The following CCDC18 variants were observed in gnomAD, a reference collection of about 807,000 sequenced individuals.
CCDC18 encodes coiled-coil domain containing 18, also known as coiled-coil domain-containing protein 18.
In CCDC18, 157 loss-of-function variants were observed where a neutral mutation model predicts 196.0. The observed-to-expected ratio is 0.80, with a 90% CI of 0.70 to 0.91. The LOEUF is 0.91. Among genes scored for constraint, CCDC18 ranks in the 40% least tolerant of loss-of-function variants. The pLI is 0.00. For missense variants in CCDC18, 1,465 were observed against 1,611.6 expected, an observed-to-expected ratio of 0.91 and a Z score of 1.56; for synonymous variants, 482 against 529.2, an observed-to-expected ratio of 0.91 and a Z score of 1.22.
At chr1:93,213,490 CTAAGTATT>C (rs1656015219) in intron 11 of CCDC18, among the ~76,000 whole-genome samples, 1 of 151,214 alleles carries the variant, frequency 6.6e-6, no homozygotes, top group Non-Finnish European at 1.5e-5. Context: ...CTTTTCTCAT[CTAAGTATT>C]TAAGGATAGA....
intron 19 of CCDC18, among the ~76,000 whole-genome samples, chr1:93,239,089 A>G (rs1240560013): frequency 2.6e-5 from 4 of 152,226 alleles, no homozygotes; most frequent in Non-Finnish European, 5.9e-5. Context: ...AGGCTTGTTA[A>G]ATATTACCAG....
Position 93,251,999 on chromosome 1 carries a change from A to G in CCDC18, c.3199-2472A>G, listed in dbSNP as rs558571781. 4.8e-3 allele frequency among the ~76,000 whole-genome samples: 622 copies of G among 130,232 alleles called. 6 individuals are homozygous for G. Among genetic ancestry groups the G allele is most frequent in the South Asian group, 0.029 (120 of 4,184 alleles). 85.4% of individuals were successfully genotyped at this position (130,232 alleles called of 152,430 possible). On this transcript the variant is annotated intron_variant, in intron 23 of 28. Coordinates refer to ENST00000690025, the MANE Select transcript of CCDC18 (RefSeq NM_001378204.1). Reference sequence around the variant, plus strand: ...TTTTCCTCCTCTCACTGTGTAGTCTATTTATCTATCTATCTGTCTGTCTAT... The same window carrying G: ...TTTTCCTCCTCTCACTGTGTAGTCTGTTTATCTATCTATCTGTCTGTCTAT...
chr1:93,251,511 T>C (rs1386429547), intron 23 of CCDC18, among the ~76,000 whole-genome samples: 1 of 152,154 alleles, frequency 6.6e-6, no homozygotes, highest in Non-Finnish European at 1.5e-5. Flanking sequence ...TGGGAAAGTG[T>C]CTCTTCTTCA....
chr1:93,232,666 G>T, intron 18 of CCDC18, 73 bp downstream of exon 18: 1 of 1,210,752 alleles, frequency 8.3e-7, no homozygotes, highest in Non-Finnish European at 1.2e-6. Context: ...TAGATTTTTC[G>T]TTAGTTTTTT....
intron 6 of CCDC18, among the ~76,000 whole-genome samples, chr1:93,201,112 A>T (rs1039933089): frequency 3.9e-5 from 6 of 152,198 alleles, no homozygotes; most frequent in Non-Finnish European, 5.9e-5. Flanking sequence ...ACCAACAGAG[A>T]GAATGAAAAT....
intron 23 of CCDC18, among the ~76,000 whole-genome samples, chr1:93,248,788 C>T (rs1661836107): frequency 6.6e-6 from 1 of 151,968 alleles, no homozygotes; most frequent in South Asian, 2.1e-4. Context: ...GCCTAGACAA[C>T]CTGGAGAAAC....
chr1:93,271,238 A>G (rs1570664655), intron 28 of CCDC18: 1 of 985,380 alleles, frequency 1.0e-6, no homozygotes, highest in South Asian at 4.7e-5. Flanking sequence ...ATTGCTGGCT[A>G]TCACTGATCC....
chr1:93,187,377 G>C (rs1323661711), intron 4 of CCDC18, among the ~76,000 whole-genome samples: 1 of 151,940 alleles, frequency 6.6e-6, no homozygotes, highest in African/African-American at 2.4e-5. Context: ...AAACATTACA[G>C]AGCAGTACAC....
chr1:93,199,059 A>G (rs1653315969), intron 6 of CCDC18, among the ~76,000 whole-genome samples: 1 of 152,250 alleles, frequency 6.6e-6, no homozygotes, highest in African/African-American at 2.4e-5. Context: ...TTCTAGAAGT[A>G]GGAGGGGCAC....
chr1:93,241,724 A>C (rs1172648215), intron 21 of CCDC18, among the ~76,000 whole-genome samples: 1 of 49,076 alleles, frequency 2.0e-5, no homozygotes. Flanking sequence ...ACTCCATCTC[A>C]AAAAAAAAAA....
chr1:93,197,745 C>CTTTTT (rs71094240), intron 6 of CCDC18, among the ~76,000 whole-genome samples: 1,364 of 75,976 alleles, frequency 0.018, no homozygotes, highest in African/African-American at 0.026. Flanking sequence ...CTTTTCTTTT[C>CTTTTT]TTTTTTTTTT....
In CCDC18 at chr1:93,270,778, A is replaced by C. The variant is rs1557720207; in HGVS notation, c.4317A>C (p.Lys1439Asn). The C allele has an allele frequency of 6.5e-7, 1 of 1,545,194 alleles. No homozygotes were observed. The highest frequency in any genetic ancestry group is 8.7e-7 in the Non-Finnish European group (1 of 1,145,192). ...RYINKEVRLL[K>N]KSSMQTGAGL... ...TAAACAAAGAAGTAAGACTATTAAA[A>C]AAGTCTTCTATGCAAACAGGTGCTG... The change falls in exon 28 of 29, where the codon AAA becomes AAC. Residue 1439 changes from lysine (K) to asparagine (N), a missense_variant. By Grantham distance (94) the Lys-to-Asn change is moderately conservative. Coordinates refer to ENST00000690025, the MANE Select transcript of CCDC18 (RefSeq NM_001378204.1).
chr1:93,226,532 T>C lies in CCDC18; in HGVS notation c.2292+83T>C, dbSNP rs940013438. On this transcript the variant is annotated intron_variant, in intron 17 of 28. Transcript: ENST00000690025. ...CATGAGATGTAGGACAAAATATATA[T>C]ATATATATATATTTCTTTTGAGACA... is the stretch of plus-strand genomic sequence containing the variant. The C allele has an allele frequency of 1.9e-5, 7 of 367,338 alleles. No individual in the cohort carries two copies. The East Asian group carries it at 3.7e-4, about 20-fold the overall frequency. The allele number at this position is 367,338 out of a possible 1,614,324, so 22.8% of individuals were successfully genotyped here. A position where few individuals can be genotyped will look rare whatever the true frequency, so the allele number is the denominator to read the frequency against.
intron 4 of CCDC18, chr1:93,191,087 GA>G (rs1651686083): frequency 1.9e-6 from 1 of 522,222 alleles, no homozygotes; most frequent in African/African-American, 3.1e-5. Flanking sequence ...TCAGCAAGGA[GA>G]TTTTTTTTTT....
chr1:93,226,083 G>A (rs1041017953), intron 16 of CCDC18, among the ~76,000 whole-genome samples: 1 of 152,006 alleles, frequency 6.6e-6, no homozygotes, highest in African/African-American at 2.4e-5. Context: ...TTCCTGGAAT[G>A]CCCTTCTAAA....
intron 26 of CCDC18, among the ~76,000 whole-genome samples, chr1:93,261,071 A>G (rs565218918): frequency 5.3e-5 from 8 of 152,328 alleles, no homozygotes; most frequent in South Asian, 4.1e-4. Context: ...TAGTGCTGCA[A>G]TAAACATACA....
intron 28 of CCDC18, among the ~76,000 whole-genome samples, chr1:93,276,573 A>G (rs1034737166): frequency 4.6e-5 from 7 of 152,198 alleles, no homozygotes; most frequent in South Asian, 2.1e-4. Flanking sequence ...AAATTAGGAA[A>G]TTAGCTATAG....
intron 21 of CCDC18, among the ~76,000 whole-genome samples, chr1:93,242,349 A>C (rs1660919496): frequency 6.6e-6 from 1 of 152,040 alleles, no homozygotes; most frequent in Non-Finnish European, 1.5e-5. Context: ...TTGCGCAGGG[A>C]AACTCCGCTT....
chr1:93,184,246 A>G, intron 3 of CCDC18, 100 bp downstream of exon 3: 1 of 456,176 alleles, frequency 2.2e-6, no homozygotes, highest in Non-Finnish European at 3.4e-6. Context: ...TTAAAGAAAA[A>G]AATTTTTTCT....
Sources: gnomAD v4.1 joint callset for allele counts (sites outside exome capture counted in the v4.1 genomes callset) on GRCh38, gnomAD v4.1.1 for gene constraint, MANE v1.5 for transcripts, NCBI Gene and HGNC (gene_info 2026-07-23, HGNC 2026-07-21) for gene names.